The following MCF2L2 variants were observed in gnomAD, a reference collection of about 807,000 sequenced individuals.
MCF2L2 encodes the protein MCF.2 cell line derived transforming sequence-like 2, also known as probable guanine nucleotide exchange factor MCF2L2.
Under a neutral mutation model 150.2 loss-of-function variants are expected in MCF2L2, and 102 were observed. The observed-to-expected ratio is 0.68, with a 90% CI of 0.58 to 0.80. The LOEUF (loss-of-function observed/expected upper bound fraction) is 0.80. Ranked by LOEUF, MCF2L2 falls within the 30% of genes least tolerant of loss-of-function variation. MCF2L2 has a pLI of 0.00. For synonymous variants in MCF2L2, 465 were observed against 491.3 expected (o/e 0.95, Z 0.71); for missense variants, 1,256 against 1,372.8 (o/e 0.91, Z 1.34).
intron 20 of MCF2L2, among the ~76,000 whole-genome samples, chr3:183,220,789 TA>T (rs1441802614): frequency 6.6e-6 from 1 of 152,078 alleles, no homozygotes; most frequent in Non-Finnish European, 1.5e-5. Context: ...AGAACTTTTT[TA>T]AAAAAACGTT....
chr3:183,180,356 CCGTAATTCACCGAGAAGGCG>C, intron 27 of MCF2L2, 197 bp from the exon 28 acceptor site: 1 of 516,714 alleles, frequency 1.9e-6, no homozygotes, highest in Non-Finnish European at 3.4e-6. Context: ...CGCCGAGATG[CCGTAATTCACCGAGAAGGCG>C]CGTCCACATG....
At chr3:183,233,361 A>AAT (rs1553885118) in intron 15 of MCF2L2, among the ~76,000 whole-genome samples, 3 of 150,526 alleles carry the variant, frequency 2.0e-5, no homozygotes, top group African/African-American at 7.4e-5. Flanking sequence ...TCAAAAAAAA[A>AAT]ATATATATAT....
chr3:183,190,515 C>A (rs1294515281), intron 27 of MCF2L2, among the ~76,000 whole-genome samples: 1 of 152,254 alleles, frequency 6.6e-6, no homozygotes, highest in Non-Finnish European at 1.5e-5. Context: ...AGAAGCCAGG[C>A]ACAGACGTGG....
At chr3:183,416,290 T>C (rs1278033159) in intron 1 of MCF2L2, among the ~76,000 whole-genome samples, 1 of 152,208 alleles carries the variant, frequency 6.6e-6, no homozygotes, top group South Asian at 2.1e-4. Context: ...AGAACAAGTA[T>C]ATATTTATAG....
chr3:183,318,578 A>G (rs1300223402), intron 6 of MCF2L2, among the ~76,000 whole-genome samples: 6 of 152,348 alleles, frequency 3.9e-5, no homozygotes, highest in African/African-American at 1.4e-4. Flanking sequence ...ACAGAAAAGA[A>G]TCTATATATC....
At position 183,336,676 on chromosome 3, in the gene MCF2L2, G is replaced by A. The variant is rs370000555; in HGVS notation, c.486+2124C>T. ...CAGCCTGGCCAACATGGCTGGTCTC[G>A]AACCGCATCTCTACTAAAAATGCAA... On this transcript the variant is annotated intron_variant, in intron 5 of 29. Transcript: ENST00000328913. Among the ~76,000 whole-genome samples the A allele has an allele frequency of 4.5e-4, 67 of 150,556 alleles. No homozygotes were observed. In the East Asian group the frequency reaches 9.9e-3, roughly 22 times the overall value.
intron 17 of MCF2L2, among the ~76,000 whole-genome samples, chr3:183,229,228 G>A (rs1024949374): frequency 9.2e-5 from 14 of 152,128 alleles, no homozygotes; most frequent in African/African-American, 3.1e-4. Flanking sequence ...AAGCAGCCCC[G>A]AGTTAAAAGT....
intron 1 of MCF2L2, among the ~76,000 whole-genome samples, chr3:183,392,040 AC>A (rs1464110753): frequency 6.6e-6 from 1 of 152,142 alleles, no homozygotes; most frequent in Non-Finnish European, 1.5e-5. Flanking sequence ...GGCACAAACC[AC>A]CACGCCTGGC....
intron 14 of MCF2L2, among the ~76,000 whole-genome samples, chr3:183,284,570 C>T (rs946391232): frequency 2.0e-5 from 3 of 152,040 alleles, no homozygotes; most frequent in African/African-American, 7.2e-5. Flanking sequence ...GGCATGGTGA[C>T]AGGCACCTGT....
At position 183,341,567 on chromosome 3, in the gene MCF2L2, G is replaced by A. The variant is rs199912030; in HGVS notation, c.339C>T (p.Ser113=). 4.1e-5 allele frequency: 66 copies of A among 1,613,754 alleles called. No individual in the cohort carries two copies. The highest frequency in any genetic ancestry group is 4.7e-5 in the Non-Finnish European group (56 of 1,179,778). Residue 113 remains serine, a synonymous_variant, in exon 4 of 30, where the codon TCC becomes TCT. Transcript: ENST00000328913. ...CTATTCGTGTCAAGGATGCCTTTAC[G>A]GAGCTCCACTTGTCTCTTCGTCTGT... ...VIDRRRDKWS[S]VKASLTRIAV... is the part of the protein sequence containing the mutation.
At chr3:183,204,355 A>G (rs1044851655) in intron 25 of MCF2L2, among the ~76,000 whole-genome samples, 1 of 152,188 alleles carries the variant, frequency 6.6e-6, no homozygotes, top group Non-Finnish European at 1.5e-5. Flanking sequence ...AAGAAGATAT[A>G]CCAATGGCCA....
At chr3:183,332,969 G>A (rs1177604822) in intron 5 of MCF2L2, among the ~76,000 whole-genome samples, 1 of 152,162 alleles carries the variant, frequency 6.6e-6, no homozygotes, top group Non-Finnish European at 1.5e-5. Context: ...GGAAAGGAGA[G>A]AGAAAAATGA....
intron 5 of MCF2L2, among the ~76,000 whole-genome samples, chr3:183,334,793 CA>C (rs576703262): frequency 0.38 from 33,318 of 88,222 alleles, 5,993 homozygotes; most frequent in African/African-American, 0.59. Flanking sequence ...AACTCCATTT[CA>C]AAAAAAAAAA....
At chr3:183,311,551 C>A in intron 8 of MCF2L2, 97 bp downstream of exon 8, 1 of 1,384,632 alleles carries the variant, frequency 7.2e-7, no homozygotes, top group South Asian at 1.4e-5. Flanking sequence ...CCCACCAAGA[C>A]CCAATATTGG....
intron 14 of MCF2L2, 150 bp from the exon 15 acceptor site, chr3:183,277,107 C>T: frequency 4.9e-6 from 3 of 612,702 alleles, no homozygotes; most frequent in Non-Finnish European, 8.7e-6. Context: ...TCAGGTTTTC[C>T]CCAGCCACTC....
chr3:183,395,917 CAAAAAAAA>C (rs11338932), intron 1 of MCF2L2, among the ~76,000 whole-genome samples: 6 of 58,084 alleles, frequency 1.0e-4, no homozygotes, highest in African/African-American at 3.6e-4. Context: ...GACATCGTCT[CAAAAAAAA>C]AAAAAAAAAA....
At chr3:183,311,344 C>T (rs1729368929) in intron 8 of MCF2L2, among the ~76,000 whole-genome samples, 1 of 152,154 alleles carries the variant, frequency 6.6e-6, no homozygotes, top group Non-Finnish European at 1.5e-5. Context: ...GAATATAAAG[C>T]ACAGCTCCAA....
At chr3:183,195,340 A>G (rs1236234273) in intron 25 of MCF2L2, 85 bp from the exon 26 acceptor site, 2 of 864,326 alleles carry the variant, frequency 2.3e-6, no homozygotes, top group Admixed American at 2.1e-5. Flanking sequence ...AAATACACAT[A>G]TATGCATAAA....
Position 183,323,241 on chromosome 3 carries a change from G to A in MCF2L2, c.597C>T (p.His199=), listed in dbSNP as rs1341183319. 3 of 1,607,884 alleles carry A rather than the reference G, an allele frequency of 1.9e-6. No individual in the cohort carries two copies. Among genetic ancestry groups the A allele is most frequent in the African/African-American group, 2.7e-5 (2 of 74,786 alleles). The change falls in exon 6 of 30, where the codon CAC becomes CAT. Residue 199 remains histidine, a synonymous_variant. Transcript: ENST00000328913. The part of the protein sequence containing the change: ...LEYRHGQWVN[H]RTAIENFALT... ...CACGTAAGCTGGTACTCACAGTGCG[G>A]TGATTTACCCACTGACCGTGGCGAT... is the stretch of plus-strand genomic sequence containing the variant.
Sources: gnomAD v4.1 joint callset for allele counts (sites outside exome capture counted in the v4.1 genomes callset) on GRCh38, gnomAD v4.1.1 for gene constraint, MANE v1.5 for transcripts, NCBI Gene and HGNC (gene_info 2026-07-23, HGNC 2026-07-21) for gene names.